Variants in RBM34 observed in about 807,000 individuals in gnomAD.
RBM34 encodes the protein RNA binding motif protein 34.
RBM34 carries 39 observed loss-of-function variants against 44.6 expected under a neutral mutation model. The observed-to-expected ratio is 0.87, with a 90% confidence interval of 0.68 to 1.14. The LOEUF (loss-of-function observed/expected upper bound fraction) is 1.14, where lower values mean the gene tolerates loss of function less well. Among genes scored for constraint, RBM34 ranks in the 50% most tolerant of loss-of-function variants. RBM34 has a pLI of 0.00. For synonymous variants in RBM34, 194 were observed against 184.0 expected, an observed-to-expected ratio of 1.05 and a Z score of -0.44; for missense variants, 572 against 517.9, an observed-to-expected ratio of 1.10 and a Z score of -1.01.
chr1:235,158,007 A>G (rs1662523299), intron 3 of RBM34, among the ~76,000 whole-genome samples: 1 of 151,896 alleles, frequency 6.6e-6, no homozygotes, highest in Admixed American at 6.6e-5. Flanking sequence ...GAAGGGAAGG[A>G]CTGTGGGAAT....
chr1:235,154,716 C>T lies in RBM34; in HGVS notation c.597+165G>A, dbSNP rs527727354. On this transcript the variant is annotated intron_variant, in intron 4 of 10. Transcript: ENST00000408888. ...CAAAAGCCTGAATTGGCAGGGACTACAGGAATGAAAAGGAGGGGGTGGATA... is the reference window on the plus strand; with the variant it reads ...CAAAAGCCTGAATTGGCAGGGACTATAGGAATGAAAAGGAGGGGGTGGATA... Among the ~76,000 whole-genome samples the T allele has an allele frequency of 2.6e-5, 4 of 152,164 alleles. No individual in the cohort carries two copies. The South Asian group carries it at 8.3e-4, about 32-fold the overall frequency.
chr1:235,160,668 A>G (rs1662672172), intron 2 of RBM34, 21 bp from the exon 3 acceptor site: 13 of 1,606,940 alleles, frequency 8.1e-6, no homozygotes, highest in Non-Finnish European at 9.3e-6. Flanking sequence ...GTTTGAAGTT[A>G]TATTTGAGAC....
intron 6 of RBM34, among the ~76,000 whole-genome samples, chr1:235,145,990 T>C (rs1661888589): frequency 2.1e-5 from 3 of 145,190 alleles, no homozygotes; most frequent in African/African-American, 8.0e-5. Flanking sequence ...TTTTTTTTTT[T>C]TGGAAGACAG....
chr1:235,148,138 A>C (rs1661985878), intron 6 of RBM34, among the ~76,000 whole-genome samples: 1 of 152,112 alleles, frequency 6.6e-6, no homozygotes, highest in Non-Finnish European at 1.5e-5. Flanking sequence ...GAAGCTTTAC[A>C]CTCTCTTCCA....
chr1:235,143,373 C>T (rs912121602), intron 6 of RBM34, among the ~76,000 whole-genome samples: 1 of 152,204 alleles, frequency 6.6e-6, no homozygotes, highest in Non-Finnish European at 1.5e-5. Context: ...AGAAATGATC[C>T]GTACCCAAAT....
intron 3 of RBM34, chr1:235,156,622 C>G (rs899324875): frequency 1.3e-5 from 6 of 459,924 alleles, no homozygotes; most frequent in African/African-American, 1.2e-4. Flanking sequence ...ACGGTAAATA[C>G]AATATAAAGT....
chr1:235,138,279 CAT>C, intron 6 of RBM34, 105 bp from the exon 7 acceptor site: 2 of 797,166 alleles, frequency 2.5e-6, no homozygotes, highest in East Asian at 2.7e-5. Context: ...TCTTAACACA[CAT>C]GACAAGAATT....
Position 235,131,756 on chromosome 1 carries a change from T to C in RBM34, c.1250A>G (p.Gln417Arg). ...TTTCTTAGGGCGTCCACTTTTCTTC[T>C]GTCCTTTCTTCTTCGTTTTAAGGAG... ...AVLLKTKKKGQKKSGRPKKQR... is the reference protein window; with the variant it reads ...AVLLKTKKKGRKKSGRPKKQR... Residue 417 changes from glutamine to arginine, a missense_variant, in exon 11 of 11, where the codon CAG becomes CGG. Gln to Arg is a conservative substitution (Grantham distance 43). Transcript: ENST00000408888. 6.2e-7 allele frequency: 1 copy of C among 1,607,190 alleles called. No individual in the cohort carries two copies. The highest frequency in any genetic ancestry group is 8.5e-7 in the Non-Finnish European group (1 of 1,178,038).
intron 3 of RBM34, among the ~76,000 whole-genome samples, chr1:235,157,827 G>T (rs1572170434): frequency 1.3e-5 from 2 of 152,200 alleles, no homozygotes; most frequent in African/African-American, 4.8e-5. Context: ...AAGCTGCACT[G>T]CCCATTACAT....
rs1661506270 is a variant in RBM34 at position 235,138,144 on chromosome 1, A to AATGCCT, written c.731_732insAGGCAT (p.Ile244_Asn245insGlyIle). ...CCTCCTTAAACACAACATAGGCATTAATATTTTTCTGATCAGGATGAATTT... is the reference window on the plus strand; with the variant it reads ...CCTCCTTAAACACAACATAGGCATTAATGCCTATATTTTTCTGATCAGGATGAATTT... On this transcript the variant is annotated inframe_insertion, in exon 7 of 11. Coordinates refer to ENST00000408888, the MANE Select transcript of RBM34 (RefSeq NM_015014.4). 2 of 1,603,814 alleles carry AATGCCT rather than the reference A, an allele frequency of 1.2e-6. No homozygotes were observed. The highest frequency in any genetic ancestry group is 1.7e-6 in the Non-Finnish European group (2 of 1,176,660).
chr1:235,152,799 CCTT>C, intron 4 of RBM34, 34 bp from the exon 5 acceptor site: 1 of 1,486,370 alleles, frequency 6.7e-7, no homozygotes, highest in Non-Finnish European at 9.2e-7. Context: ...CATTAGCTGA[CCTT>C]CAGAACATCA....
chr1:235,148,801 G>A lies in RBM34; in HGVS notation c.658-354C>T, dbSNP rs527586383. Among the ~76,000 whole-genome samples, 106 of 151,872 alleles carry A rather than the reference G, an allele frequency of 7.0e-4. 2 individuals are homozygous for A. The South Asian group carries it at 0.022, about 31-fold the overall frequency. On this transcript the variant is annotated intron_variant, in intron 5 of 10. Coordinates refer to ENST00000408888, the MANE Select transcript of RBM34 (RefSeq NM_015014.4). ...TTTTAGTAGAGATGCGGTTTCATCA[G>A]GTTAGCCAGGATGGTCTCGATCTCC...
At chr1:235,158,454 G>A (rs569108585) in intron 3 of RBM34, among the ~76,000 whole-genome samples, 1 of 150,888 alleles carries the variant, frequency 6.6e-6, no homozygotes, top group Non-Finnish European at 1.5e-5. Context: ...CGAGGGATAA[G>A]GGAAAGAGGC....
chr1:235,155,112 C>G lies in RBM34; in HGVS notation c.366G>C (p.Arg122Ser). Residue 122 changes from arginine (R) to serine (S), a missense_variant and splice_region_variant, in exon 4 of 11, where the codon AGG (arginine) becomes AGC (serine). Transcript: ENST00000408888. ...HTNAEKKLAD[R>S]ESALASADLE... Reference sequence around the variant, plus strand: ...AATCAGCACTCGCTAGAGCGCTTTCCCTTTTTAAGGCAAAAAATAAAATAA... The same window carrying G: ...AATCAGCACTCGCTAGAGCGCTTTCGCTTTTTAAGGCAAAAAATAAAATAA... 6.2e-7 allele frequency: 1 copy of G among 1,609,850 alleles called. No individual in the cohort carries two copies. Among genetic ancestry groups the G allele is most frequent in the East Asian group, 2.2e-5 (1 of 44,846 alleles).
chr1:235,135,692 A>G lies in RBM34; in HGVS notation c.968T>C (p.Met323Thr), dbSNP rs537362399. ...GCCAAACCCTTTGCCGATGCCTGTC[A>G]TTTTGTCTCTCACAATCCTCACGGC... is the stretch of plus-strand genomic sequence containing the variant. Reference protein sequence around the residue: ...IMAVRIVRDKMTGIGKGFGYV... With the variant: ...IMAVRIVRDKTTGIGKGFGYV... Residue 323 changes from methionine (M) to threonine (T), a missense_variant, in exon 10 of 11, where the codon ATG (methionine) becomes ACG (threonine). Met to Thr is a moderately conservative substitution (Grantham distance 81). Coordinates refer to ENST00000408888, the MANE Select transcript of RBM34 (RefSeq NM_015014.4). 6.2e-7 allele frequency: 1 copy of G among 1,614,218 alleles called. No homozygotes were observed. The highest frequency in any genetic ancestry group is 1.1e-5 in the South Asian group (1 of 91,086).
At chr1:235,155,149 C>A in intron 3 of RBM34, 37 bp from the exon 4 acceptor site, 1 of 1,543,322 alleles carries the variant, frequency 6.5e-7, no homozygotes, top group South Asian at 1.1e-5. Flanking sequence ...CAGTAAGAGT[C>A]ATGCCAGTTA....
intron 5 of RBM34, among the ~76,000 whole-genome samples, chr1:235,149,204 C>T (rs768077142): frequency 9.2e-5 from 14 of 151,536 alleles, no homozygotes; most frequent in East Asian, 7.9e-4. Context: ...CTGGCTAACA[C>T]GGTGAAACCC....
At chr1:235,152,343 TC>T (rs749653351) in intron 5 of RBM34, 37 of 327,454 alleles carry the variant, frequency 1.1e-4, no homozygotes, top group Non-Finnish European at 1.5e-4. Context: ...CATACCCACC[TC>T]CCATACTAAT....
At chr1:235,155,694 G>A (rs1422379123) in intron 3 of RBM34, among the ~76,000 whole-genome samples, 4 of 149,094 alleles carry the variant, frequency 2.7e-5, no homozygotes, top group East Asian at 2.0e-4. Context: ...TAGTAAAGAC[G>A]GGGTTTCACC....
Sources: gnomAD v4.1 joint callset for allele counts (sites outside exome capture counted in the v4.1 genomes callset) on GRCh38, gnomAD v4.1.1 for gene constraint, MANE v1.5 for transcripts, NCBI Gene and HGNC (gene_info 2026-07-23, HGNC 2026-07-21) for gene names.